The following NDUFAB1 variants were observed in gnomAD, a reference collection of about 807,000 sequenced individuals.
NDUFAB1 encodes acyl carrier protein, mitochondrial.
NDUFAB1 carries 5 observed loss-of-function variants against 16.1 expected under a neutral mutation model. The ratio of observed to expected loss-of-function variants is 0.31; its 90% CI spans 0.16 to 0.65. The LOEUF (loss-of-function observed/expected upper bound fraction) is 0.65. Among genes scored for constraint, NDUFAB1 ranks in the 30% least tolerant of loss-of-function variants. NDUFAB1 has a pLI of 0.77. For synonymous variants in NDUFAB1, 85 were observed against 78.4 expected (o/e 1.08, Z -0.44); for missense variants, 187 against 205.3 (o/e 0.91, Z 0.54).
intron 1 of NDUFAB1, chr16:23,595,660 G>C (rs1966318729): frequency 2.2e-6 from 1 of 458,680 alleles, no homozygotes; most frequent in Non-Finnish European, 4.4e-6. Context: ...AGTAAGGACA[G>C]AACTGCAGAG....
rs35312584 is a variant in NDUFAB1, at chr16:23,582,555, C to T, written c.380-180G>A. On this transcript the variant is annotated intron_variant, in intron 3 of 4. Coordinates refer to ENST00000007516, the MANE Select transcript of NDUFAB1 (RefSeq NM_005003.3). The stretch of plus-strand genomic sequence containing the variant: ...GTATGCATACAGGTTGGGTACGATG[C>T]TTTGGAGGTATGTTTGTTTGTTTGT... Among the ~76,000 whole-genome samples, 797 of 145,330 alleles carry T rather than the reference C, an allele frequency of 5.5e-3. 4 individuals are homozygous for T. Among genetic ancestry groups the T allele is most frequent in the Non-Finnish European group, 9.7e-3 (641 of 66,336 alleles).
At chr16:23,591,006 C>T (rs981473432) in intron 1 of NDUFAB1, 1 of 152,096 alleles carries the variant, frequency 6.6e-6, no homozygotes, top group East Asian at 1.9e-4. Flanking sequence ...TTCAGCTCTC[C>T]AGTATTCTGG....
intron 1 of NDUFAB1, among the ~76,000 whole-genome samples, chr16:23,594,489 A>T (rs1966306171): frequency 6.6e-6 from 1 of 151,798 alleles, no homozygotes; most frequent in African/African-American, 2.4e-5. Context: ...AGTAGCTGGG[A>T]CTACAGGCGC....
intron 1 of NDUFAB1, among the ~76,000 whole-genome samples, chr16:23,588,619 TAATA>T (rs1567408635): frequency 6.6e-6 from 1 of 152,300 alleles, no homozygotes; most frequent in East Asian, 1.9e-4. Context: ...TGAAAAATCA[TAATA>T]AATACTGCCC....
At chr16:23,594,038 GC>G (rs1482755932) in intron 1 of NDUFAB1, among the ~76,000 whole-genome samples, 1 of 151,664 alleles carries the variant, frequency 6.6e-6, no homozygotes, top group African/African-American at 2.4e-5. Context: ...CCGCCACCAC[GC>G]CCGGCTAATT....
At chr16:23,596,016 C>T (rs1966322515) in intron 1 of NDUFAB1, 107 bp downstream of exon 1, 2 of 1,355,806 alleles carry the variant, frequency 1.5e-6, no homozygotes, top group East Asian at 2.6e-5. Context: ...GGCTGCCCCC[C>T]GGGTCACCCC....
At chr16:23,592,457 C>CTT (rs1966288753) in intron 1 of NDUFAB1, among the ~76,000 whole-genome samples, 1 of 152,062 alleles carries the variant, frequency 6.6e-6, no homozygotes, top group African/African-American at 2.4e-5. Context: ...GAGGGAGGGC[C>CTT]CAGGTCTGCA....
At chr16:23,585,291 C>T in intron 3 of NDUFAB1, 45 bp downstream of exon 3, 10 of 1,389,558 alleles carry the variant, frequency 7.2e-6, no homozygotes, top group Non-Finnish European at 1.0e-5. Flanking sequence ...GTTTAATCCA[C>T]CTTAATCAAA....
chr16:23,589,780 C>A (rs1027506377), intron 1 of NDUFAB1, among the ~76,000 whole-genome samples: 3 of 151,156 alleles, frequency 2.0e-5, no homozygotes, highest in Non-Finnish European at 4.4e-5. Flanking sequence ...TACTGAAAGT[C>A]CAAAAATTAG....
At chr16:23,588,641 C>A (rs13330091) in intron 1 of NDUFAB1, among the ~76,000 whole-genome samples, 16 of 152,156 alleles carry the variant, frequency 1.1e-4, no homozygotes, top group African/African-American at 3.6e-4. Context: ...CCCAGAGAAC[C>A]AAACCAGTAT....
At chr16:23,593,885 T>A (rs1467566694) in intron 1 of NDUFAB1, among the ~76,000 whole-genome samples, 1 of 145,306 alleles carries the variant, frequency 6.9e-6, no homozygotes, top group African/African-American at 2.5e-5. Context: ...TATTTATTTA[T>A]TTATTTATTT....
At chr16:23,585,908 G>T (rs187000089) in intron 2 of NDUFAB1, among the ~76,000 whole-genome samples, 1 of 152,266 alleles carries the variant, frequency 6.6e-6, no homozygotes, top group African/African-American at 2.4e-5. Context: ...CATAGCTAAT[G>T]AAGGATTTCA....
chr16:23,594,497 C>T (rs1273276708), intron 1 of NDUFAB1, among the ~76,000 whole-genome samples: 1 of 151,920 alleles, frequency 6.6e-6, no homozygotes, highest in African/African-American at 2.4e-5. Context: ...GGACTACAGG[C>T]GCGTGCCACC....
chr16:23,592,719 T>A (rs1301829341), intron 1 of NDUFAB1, among the ~76,000 whole-genome samples: 1 of 152,182 alleles, frequency 6.6e-6, no homozygotes, highest in Admixed American at 6.5e-5. Flanking sequence ...TTTCCTTACC[T>A]TCTATTTTAT....
intron 3 of NDUFAB1, among the ~76,000 whole-genome samples, 164 bp from the exon 4 acceptor site, chr16:23,582,539 C>G (rs1360893536): frequency 6.6e-6 from 1 of 151,800 alleles, no homozygotes; most frequent in Non-Finnish European, 1.5e-5. Context: ...AGTATGCATA[C>G]AGGTTGGGTA....
chr16:23,588,305 A>T (rs1205964074), intron 1 of NDUFAB1, among the ~76,000 whole-genome samples: 1 of 151,872 alleles, frequency 6.6e-6, no homozygotes, highest in Non-Finnish European at 1.5e-5. Context: ...AAATACAAAA[A>T]TTAGCCAGGC....
rs1966185760 is a variant in NDUFAB1, at chr16:23,582,282, C to T, written c.*2G>A. ...ATTTTTTAAGTCTATTTACCTGATACTTTATTCATATACATCCTTCTTATC... is the reference window on the plus strand; with the variant it reads ...ATTTTTTAAGTCTATTTACCTGATATTTTATTCATATACATCCTTCTTATC... On this transcript the variant is annotated 3_prime_UTR_variant, in exon 4 of 5. Coordinates refer to ENST00000007516, the MANE Select transcript of NDUFAB1 (RefSeq NM_005003.3). 6.6e-7 allele frequency: 1 copy of T among 1,520,350 alleles called. No individual in the cohort carries two copies. The highest frequency in any genetic ancestry group is 8.8e-7 in the Non-Finnish European group (1 of 1,136,412). 94.2% of individuals were successfully genotyped at this position (1,520,350 alleles called of 1,614,324 possible).
rs574301891 is a variant in NDUFAB1, at chr16:23,588,584, G to C, written c.169-1265C>G. On this transcript the variant is annotated intron_variant, in intron 1 of 4. Transcript: ENST00000007516. ...AAGTGGGGCTGCTTGTTAGGGCTCA[G>C]GTCCCTGAAACTCACAAAGGTCCAT... is the stretch of plus-strand genomic sequence containing the variant. Among the ~76,000 whole-genome samples the C allele has an allele frequency of 2.0e-4, 31 of 152,314 alleles. No individual in the cohort carries two copies. In the South Asian group the frequency reaches 6.2e-3, roughly 31 times the overall value.
At position 23,595,463 on chromosome 16, in the gene NDUFAB1, G is replaced by A. The variant is rs991104633; in HGVS notation, c.168+660C>T. The A allele has an allele frequency of 7.3e-6, 3 of 410,726 alleles. No individual in the cohort carries two copies. The East Asian group carries it at 2.1e-4, about 29-fold the overall frequency. 25.4% of individuals were successfully genotyped at this position (410,726 alleles called of 1,614,324 possible). A position where few individuals can be genotyped will look rare whatever the true frequency, so the allele number is the denominator to read the frequency against. On this transcript the variant is annotated intron_variant, in intron 1 of 4. Transcript: ENST00000007516. ...TCAGCCTTGCAGAATCCGCTTATAG[G>A]AAGAGCCTGCCCTCCTTATACGCGG...
Sources: allele counts gnomAD v4.1 joint callset (sites outside exome capture counted in the v4.1 genomes callset), GRCh38; gene constraint gnomAD v4.1.1; transcripts MANE v1.5; gene names NCBI Gene and HGNC (gene_info 2026-07-23, HGNC 2026-07-21).